The following DOCK10 variants were observed in gnomAD, a reference collection of about 807,000 sequenced individuals.
DOCK10 encodes the protein dedicator of cytokinesis protein 10.
In DOCK10, 145 loss-of-function variants were observed where a neutral mutation model predicts 280.1. The ratio of observed to expected loss-of-function variants is 0.52; its 90% CI spans 0.45 to 0.59. The LOEUF is 0.59. Ranked by LOEUF, DOCK10 falls within the 20% of genes least tolerant of loss-of-function variation. DOCK10 has a pLI of 0.00. For missense variants in DOCK10, 2,368 were observed against 2,651.7 expected (o/e 0.89, Z 2.35); for synonymous variants, 915 against 942.2 (o/e 0.97, Z 0.53).
chr2:225,021,911 T>C (rs1449485977), intron 1 of DOCK10, among the ~76,000 whole-genome samples: 9 of 152,234 alleles, frequency 5.9e-5, no homozygotes, highest in African/African-American at 9.6e-5. Flanking sequence ...ATGGGACCCA[T>C]ACATTAAAGA....
chr2:224,978,603 C>A (rs1284381512), intron 1 of DOCK10, among the ~76,000 whole-genome samples: 1 of 152,078 alleles, frequency 6.6e-6, no homozygotes, highest in Admixed American at 6.5e-5. Context: ...AGTAAATAGG[C>A]AGAGATGTGT....
At chr2:224,833,854 G>A (rs1361055772) in intron 26 of DOCK10, among the ~76,000 whole-genome samples, 2 of 152,092 alleles carry the variant, frequency 1.3e-5, no homozygotes, top group Non-Finnish European at 2.9e-5. Flanking sequence ...GTTTCACCAT[G>A]TTGGCCAGGC....
At chr2:224,940,041 T>G (rs958878046) in intron 1 of DOCK10, among the ~76,000 whole-genome samples, 4 of 152,192 alleles carry the variant, frequency 2.6e-5, no homozygotes, top group African/African-American at 9.6e-5. Flanking sequence ...ATTTGACTAA[T>G]GAAAGCGTCC....
chr2:224,884,109 T>C (rs1207406719), intron 7 of DOCK10, among the ~76,000 whole-genome samples: 1 of 152,236 alleles, frequency 6.6e-6, no homozygotes, highest in Non-Finnish European at 1.5e-5. Flanking sequence ...CCTTTCCATA[T>C]GGAAAGCTGG....
chr2:224,970,628 C>T lies in DOCK10; in HGVS notation c.124-38960G>A, dbSNP rs143892499. ...CTTTTTTTCTCTTTGTTGTCTCTGCCGTGGGACCCATGAGCCCCCACAGTT... is the reference window on the plus strand; with the variant it reads ...CTTTTTTTCTCTTTGTTGTCTCTGCTGTGGGACCCATGAGCCCCCACAGTT... On this transcript the variant is annotated intron_variant, in intron 1 of 55. Transcript: ENST00000258390. This position sits in a 1 kb window ranked among gnomAD's most constrained non-coding sequence, Gnocchi z 4.6. Among the ~76,000 whole-genome samples the T allele has an allele frequency of 6.4e-4, 97 of 152,250 alleles. 3 individuals are homozygous for T. The highest frequency in any genetic ancestry group is 3.4e-3 in the Middle Eastern group (1 of 294).
intron 11 of DOCK10, among the ~76,000 whole-genome samples, chr2:224,870,928 G>T (rs1408810258): frequency 1.3e-5 from 2 of 149,446 alleles, no homozygotes; most frequent in African/African-American, 5.0e-5. Context: ...CTGGGTTCAG[G>T]CGATTCTTCT....
At chr2:224,929,668 T>G (rs148151295) in intron 2 of DOCK10, among the ~76,000 whole-genome samples, 2 of 152,170 alleles carry the variant, frequency 1.3e-5, no homozygotes, top group East Asian at 3.9e-4. Context: ...AAACAAAGAG[T>G]TATTCTTGTA....
rs146028750 is a variant in DOCK10 at position 224,981,764 on chromosome 2, G to A, written c.124-50096C>T. Among the ~76,000 whole-genome samples the A allele has an allele frequency of 9.8e-5, 15 of 152,310 alleles. No homozygotes were observed. In the East Asian group the frequency reaches 2.7e-3, roughly 27 times the overall value. On this transcript the variant is annotated intron_variant, in intron 1 of 55. Transcript: ENST00000258390. ...TTCCTTTGCAGAGTCAGAAAGAAAA[G>A]CCCCAAATATCCTGAAGTTAAAGAT... is the stretch of plus-strand genomic sequence containing the variant.
intron 1 of DOCK10, among the ~76,000 whole-genome samples, chr2:224,932,514 A>C (rs1358093629): frequency 6.6e-6 from 1 of 152,176 alleles, no homozygotes; most frequent in African/African-American, 2.4e-5. Flanking sequence ...AACCAAAAAC[A>C]CAATCTGCAT....
At position 224,876,019 on chromosome 2, in the gene DOCK10, C is replaced by T. The variant is rs368724112; in HGVS notation, c.931+19G>A. On this transcript the variant is annotated intron_variant, in intron 8 of 55. Coordinates refer to ENST00000258390, the MANE Select transcript of DOCK10 (RefSeq NM_014689.3). ...GTCACACTGGACAAAGGAAGGAAGA[C>T]GGCTTCATATGCTCTCACCCAGACC... The T allele has an allele frequency of 5.2e-4, 834 of 1,601,358 alleles. No individual in the cohort carries two copies. Among genetic ancestry groups the T allele is most frequent in the Non-Finnish European group, 6.7e-4 (788 of 1,175,494 alleles).
chr2:224,842,949 G>T (rs780056783), intron 22 of DOCK10, among the ~76,000 whole-genome samples: 3 of 152,220 alleles, frequency 2.0e-5, no homozygotes, highest in Non-Finnish European at 4.4e-5. Flanking sequence ...AACAGGGAAG[G>T]CTTCTTAGAG....
At chr2:225,038,656 A>T (rs1690331705) in intron 1 of DOCK10, among the ~76,000 whole-genome samples, 2 of 152,198 alleles carry the variant, frequency 1.3e-5, no homozygotes, top group South Asian at 4.1e-4. Flanking sequence ...AAAATTAGAT[A>T]CAATTAAAAA....
At chr2:224,793,237 T>C (rs1390643747) in intron 46 of DOCK10, among the ~76,000 whole-genome samples, 163 bp downstream of exon 46, 3 of 152,196 alleles carry the variant, frequency 2.0e-5, no homozygotes, top group Non-Finnish European at 4.4e-5. Flanking sequence ...AATGGCATGA[T>C]AGACTTAAAA....
chr2:224,975,480 A>G (rs1020384293), intron 1 of DOCK10, among the ~76,000 whole-genome samples: 1 of 152,262 alleles, frequency 6.6e-6, no homozygotes, highest in African/African-American at 2.4e-5. Context: ...ACATTAGCTC[A>G]GGATTTAGAG....
chr2:224,904,283 C>T (rs557637221), intron 3 of DOCK10, among the ~76,000 whole-genome samples: 12 of 147,036 alleles, frequency 8.2e-5, no homozygotes, highest in African/African-American at 3.3e-4. Flanking sequence ...ATCAGCAAGA[C>T]CTTCATTAGT....
chr2:224,845,960 G>A (rs1408416775), intron 19 of DOCK10, among the ~76,000 whole-genome samples: 1 of 152,198 alleles, frequency 6.6e-6, no homozygotes, highest in Non-Finnish European at 1.5e-5. Context: ...CTGACCTCAA[G>A]TGATCCGCCC....
At position 224,880,571 on chromosome 2, in the gene DOCK10, C is replaced by A. The variant is rs145303762; in HGVS notation, c.748-4350G>T. On this transcript the variant is annotated intron_variant, in intron 7 of 55. Coordinates refer to ENST00000258390, the MANE Select transcript of DOCK10 (RefSeq NM_014689.3). ...TCTCATATATCAGTGTCCTTTGCAG[C>A]CAGTGCAACTACTTTGTTCAGTCAA... is the stretch of plus-strand genomic sequence containing the variant. Among the ~76,000 whole-genome samples the A allele has an allele frequency of 6.1e-3, 928 of 152,288 alleles. 10 individuals are homozygous for A. Among genetic ancestry groups the A allele is most frequent in the African/African-American group, 0.02 (820 of 41,568 alleles).
Position 224,765,385 on chromosome 2 carries a change from C to T in DOCK10, c.*336G>A, listed in dbSNP as rs1257047161. ...ACATCTGAAATATGCTTAAATGTTA[C>T]AAAAACATTCACTTTAACCTTTAAA... is the stretch of plus-strand genomic sequence containing the variant. On this transcript the variant is annotated 3_prime_UTR_variant, in exon 56 of 56. Transcript: ENST00000258390. 5.7e-6 allele frequency: 1 copy of T among 174,882 alleles called. No homozygotes were observed. Among genetic ancestry groups the T allele is most frequent in the Non-Finnish European group, 1.2e-5 (1 of 83,166 alleles). The allele number at this position is 174,882 out of a possible 1,614,324, so 10.8% of individuals were successfully genotyped here.
chr2:224,993,836 T>C (rs573286455), intron 1 of DOCK10, among the ~76,000 whole-genome samples: 1 of 152,252 alleles, frequency 6.6e-6, no homozygotes, highest in Admixed American at 6.5e-5. Flanking sequence ...TCCATGCTGG[T>C]AGTGTTTCTA....
Sources: gnomAD v4.1 joint callset for allele counts (sites outside exome capture counted in the v4.1 genomes callset) on GRCh38, gnomAD v4.1.1 for gene constraint, Gnocchi (gnomAD v3.1) non-coding constraint, MANE v1.5 for transcripts, NCBI Gene and HGNC (gene_info 2026-07-23, HGNC 2026-07-21) for gene names.